Variants in TRHDE observed in about 807,000 individuals in gnomAD.
TRHDE encodes the protein thyrotropin-releasing hormone-degrading ectoenzyme.
A neutral mutation model predicts 125.7 loss-of-function variants in TRHDE; 72 were observed. The observed-to-expected ratio is 0.57, with a 90% CI of 0.47 to 0.70. TRHDE has a LOEUF of 0.70. Ranked by LOEUF, TRHDE falls within the 30% of genes least tolerant of loss-of-function variation. TRHDE has a pLI of 0.00. For synonymous variants in TRHDE, 509 were observed against 509.1 expected, an observed-to-expected ratio of 1.00 and a Z score of 0.00; for missense variants, 1,110 against 1,327.1, an observed-to-expected ratio of 0.84 and a Z score of 2.54.
chr12:72,532,128 G>T (rs1179414562), intron 6 of TRHDE, among the ~76,000 whole-genome samples: 2 of 151,872 alleles, frequency 1.3e-5, no homozygotes, highest in Admixed American at 6.6e-5. Flanking sequence ...TTTTCTCCAT[G>T]AAAACTCTGT....
At chr12:72,375,176 A>G (rs1871817863) in intron 2 of TRHDE, among the ~76,000 whole-genome samples, 1 of 152,142 alleles carries the variant, frequency 6.6e-6, no homozygotes, top group African/African-American at 2.4e-5. Flanking sequence ...TATTTCTCAC[A>G]TTGTATTTTT....
intron 12 of TRHDE, among the ~76,000 whole-genome samples, chr12:72,592,341 C>A (rs1225909240): frequency 6.6e-6 from 1 of 152,076 alleles, no homozygotes; most frequent in Non-Finnish European, 1.5e-5. Flanking sequence ...ATATTTCTTA[C>A]CTGAGTTTTA....
intron 4 of TRHDE, 35 bp downstream of exon 4, chr12:72,469,947 G>T (rs781558675): frequency 6.3e-7 from 1 of 1,591,600 alleles, no homozygotes; most frequent in South Asian, 1.1e-5. Context: ...AGTATAATGT[G>T]AAAGCTATTG....
At chr12:72,101,790 G>A (rs916924664) in intron 1 of TRHDE, among the ~76,000 whole-genome samples, 30 of 152,254 alleles carry the variant, frequency 2.0e-4, no homozygotes, top group African/African-American at 7.2e-4. Context: ...TTGTTTGACT[G>A]TTTTGGTAAA....
chr12:72,623,702 G>A (rs1873144590), intron 15 of TRHDE, among the ~76,000 whole-genome samples: 1 of 152,012 alleles, frequency 6.6e-6, no homozygotes, highest in Non-Finnish European at 1.5e-5. Flanking sequence ...TGAAGGATAA[G>A]TAAGATTTAA....
intron 3 of TRHDE, among the ~76,000 whole-genome samples, chr12:72,456,665 A>T (rs181363180): frequency 6.6e-6 from 1 of 152,166 alleles, no homozygotes; most frequent in East Asian, 1.9e-4. Context: ...GAGTATTTAC[A>T]TTAGGAGAAA....
At chr12:72,473,662 AT>A (rs1472908342) in intron 5 of TRHDE, among the ~76,000 whole-genome samples, 9 of 152,134 alleles carry the variant, frequency 5.9e-5, no homozygotes, top group African/African-American at 1.9e-4. Flanking sequence ...ATATGAAGTT[AT>A]TCATATTATA....
chr12:72,269,960 A>G (rs975371518), upstream of TRHDE, among the ~76,000 whole-genome samples: 1 of 152,196 alleles, frequency 6.6e-6, no homozygotes, highest in African/African-American at 2.4e-5. Flanking sequence ...ACTCCCCGGG[A>G]TGATTCCAGA....
chr12:72,389,535 G>A (rs1872549585), intron 3 of TRHDE, among the ~76,000 whole-genome samples: 2 of 152,194 alleles, frequency 1.3e-5, no homozygotes, highest in Non-Finnish European at 2.9e-5. Flanking sequence ...GAGCGCTGGT[G>A]GGGTCAGGCT....
chr12:72,187,310 A>AACACACACACACAC (rs59164233), intron 2 of TRHDE, among the ~76,000 whole-genome samples: 58 of 131,332 alleles, frequency 4.4e-4, no homozygotes, highest in African/African-American at 9.6e-4. Flanking sequence ...AGAGAAACAC[A>AACACACACACACAC]ACACACACAC....
intron 2 of TRHDE, chr12:72,257,641 T>A (rs1242847066): frequency 6.6e-6 from 1 of 152,158 alleles, no homozygotes; most frequent in Non-Finnish European, 1.5e-5. Context: ...TTAGAAAATC[T>A]GGTGGTTTCT....
intron 6 of TRHDE, among the ~76,000 whole-genome samples, chr12:72,519,976 C>T (rs995029630): frequency 1.3e-5 from 2 of 152,346 alleles, no homozygotes; most frequent in African/African-American, 4.8e-5. Context: ...CAGGGACCCA[C>T]TTCAGGAGGC....
At chr12:72,394,113 A>T (rs971342781) in intron 3 of TRHDE, among the ~76,000 whole-genome samples, 1 of 152,226 alleles carries the variant, frequency 6.6e-6, no homozygotes, top group Non-Finnish European at 1.5e-5. Flanking sequence ...AGACCTTAAA[A>T]TGAACCATTA....
intron 3 of TRHDE, among the ~76,000 whole-genome samples, chr12:72,383,672 C>T (rs532333394): frequency 3.3e-5 from 5 of 151,336 alleles, no homozygotes; most frequent in African/African-American, 9.7e-5. Context: ...CCACCATGCC[C>T]GGCCCCCCAT....
At chr12:72,542,877 GT>G (rs1489817443) in intron 7 of TRHDE, among the ~76,000 whole-genome samples, 1 of 151,212 alleles carries the variant, frequency 6.6e-6, no homozygotes, top group African/African-American at 2.4e-5. Context: ...AAAAGATACA[GT>G]TTTTATCATA....
intron 3 of TRHDE, among the ~76,000 whole-genome samples, chr12:72,458,706 G>GT (rs1483916382): frequency 6.6e-6 from 1 of 152,054 alleles, no homozygotes; most frequent in African/African-American, 2.4e-5. Flanking sequence ...TATTGATCTA[G>GT]TTTTTTTGAT....
intron 2 of TRHDE, among the ~76,000 whole-genome samples, chr12:72,157,244 A>C (rs963370829): frequency 6.6e-6 from 1 of 152,124 alleles, no homozygotes; most frequent in Non-Finnish European, 1.5e-5. Context: ...ACAGTGATAG[A>C]AGATGAAGAC....
chr12:72,214,400 A>C (rs889117861), intron 2 of TRHDE, among the ~76,000 whole-genome samples: 5 of 152,184 alleles, frequency 3.3e-5, no homozygotes, highest in African/African-American at 1.2e-4. Flanking sequence ...TGCACACCAC[A>C]TTTACATTTG....
In TRHDE at chr12:72,594,907, T is replaced by C. The variant is rs188558366; in HGVS notation, c.2321+19365T>C. Among the ~76,000 whole-genome samples, 821 of 151,904 alleles carry C rather than the reference T, an allele frequency of 5.4e-3. 11 individuals carry two copies. The highest frequency in any genetic ancestry group is 0.018 in the African/African-American group (745 of 41,410). ...GACTGGATTAAGAAAATGTGGCACA[T>C]ATACACCATGGAATACCATGCAGCC... is the stretch of plus-strand genomic sequence containing the variant. On this transcript the variant is annotated intron_variant, in intron 12 of 18. Coordinates refer to ENST00000261180, the MANE Select transcript of TRHDE (RefSeq NM_013381.3).
Sources: allele counts gnomAD v4.1 joint callset (sites outside exome capture counted in the v4.1 genomes callset), GRCh38; gene constraint gnomAD v4.1.1; transcripts MANE v1.5; gene names NCBI Gene and HGNC (gene_info 2026-07-23, HGNC 2026-07-21).